RPA1: variants seen among roughly 807,000 people sequenced by gnomAD.
The protein encoded by RPA1 is replication protein A1, also known as replication protein A 70 kDa DNA-binding subunit.
RPA1 carries 49 observed loss-of-function variants against 83.0 expected under a neutral mutation model. The ratio of observed to expected loss-of-function variants is 0.59; its 90% CI spans 0.47 to 0.75. RPA1 has a LOEUF of 0.75. Ranked by LOEUF, RPA1 falls within the 30% of genes least tolerant of loss-of-function variation. RPA1 has a pLI of 0.00. For synonymous variants in RPA1, 279 were observed against 281.8 expected (o/e 0.99, Z 0.10); for missense variants, 693 against 776.1 (o/e 0.89, Z 1.27).
At chr17:1,875,591 T>G in intron 6 of RPA1, 70 bp from the exon 7 acceptor site, 4 of 1,516,096 alleles carry the variant, frequency 2.6e-6, no homozygotes, top group Non-Finnish European at 3.6e-6. Flanking sequence ...TTAGAGTTAT[T>G]GTAAAGCTTA....
Position 1,895,086 on chromosome 17 carries a change from G to A in RPA1, c.1737G>A (p.Glu579=). 1 of 1,613,236 alleles carries A rather than the reference G, an allele frequency of 6.2e-7. No individual in the cohort carries two copies. The highest frequency in any genetic ancestry group is 8.5e-7 in the Non-Finnish European group (1 of 1,179,452). Residue 579 remains glutamate, a synonymous_variant, in exon 16 of 17, where the codon GAG becomes GAA. Transcript: ENST00000254719. The stretch of plus-strand genomic sequence containing the variant: ...TATTCAGAGTCAGGGTCAAAGTGGA[G>A]ACCTACAACGTAAGTAAGGGCCTGG... ...SFIFRVRVKV[E]TYNDESRIKA...
chr17:1,884,291 C>T lies in RPA1; in HGVS notation c.1374+347C>T, dbSNP rs766311504. Among the ~76,000 whole-genome samples, 63 of 151,930 alleles carry T rather than the reference C, an allele frequency of 4.1e-4. No individual in the cohort carries two copies. The highest frequency in any genetic ancestry group is 7.8e-4 in the Non-Finnish European group (53 of 68,022). On this transcript the variant is annotated intron_variant, in intron 13 of 16. Coordinates refer to ENST00000254719, the MANE Select transcript of RPA1 (RefSeq NM_002945.5). This position sits in a 1 kb window ranked among gnomAD's most constrained non-coding sequence, Gnocchi z 4.1. ...CTGTGATCCTTCCTGCAAATTTAAG[C>T]GCCCACATATCAAAAAGATGTTTTT...
intron 1 of RPA1, among the ~76,000 whole-genome samples, chr17:1,836,721 A>G (rs553736752): frequency 2.7e-5 from 4 of 150,542 alleles, no homozygotes; most frequent in African/African-American, 9.7e-5. Context: ...GAGTGCAGCG[A>G]CACAGTCATG....
chr17:1,885,115 G>C (rs1393281148), intron 13 of RPA1, among the ~76,000 whole-genome samples: 1 of 152,104 alleles, frequency 6.6e-6, no homozygotes, highest in Non-Finnish European at 1.5e-5. Flanking sequence ...CTCCCTCTCA[G>C]GTCCTGTCAC....
At chr17:1,863,767 G>A (rs934284080) in intron 5 of RPA1, among the ~76,000 whole-genome samples, 1 of 152,182 alleles carries the variant, frequency 6.6e-6, no homozygotes, top group Non-Finnish European at 1.5e-5. Context: ...TTTTCAAATG[G>A]TTGTTATGTT....
chr17:1,865,150 T>G (rs4619437), intron 5 of RPA1, among the ~76,000 whole-genome samples: 9,391 of 152,252 alleles, frequency 0.062, 951 homozygotes, highest in African/African-American at 0.21. Flanking sequence ...GATCAGTTGA[T>G]CAGTTTTTAA....
chr17:1,900,004 T>A lies in RPA1; in HGVS notation c.*2829T>A, dbSNP rs1244129247. On this transcript the variant is annotated 3_prime_UTR_variant, in exon 17 of 17. Transcript: ENST00000254719. ...TGGCTTTTATAAACACCTTTGGAAG[T>A]CATCGGTTCCTCAAAAAGAGAGCAT... is the stretch of plus-strand genomic sequence containing the variant. The A allele has an allele frequency of 1.3e-5, 2 of 152,206 alleles. No individual in the cohort carries two copies. The highest frequency in any genetic ancestry group is 3.8e-4 in the East Asian group (2 of 5,204). 9.4% of individuals were successfully genotyped at this position (152,206 alleles called of 1,614,324 possible). A position where few individuals can be genotyped will look rare whatever the true frequency, so the allele number is the denominator to read the frequency against.
intron 4 of RPA1, among the ~76,000 whole-genome samples, chr17:1,845,486 T>C (rs1049061256): frequency 6.6e-6 from 1 of 151,902 alleles, no homozygotes; most frequent in African/African-American, 2.4e-5. Context: ...CAGTGAGCTG[T>C]GATTGCACCG....
In RPA1 at chr17:1,875,922, C is replaced by CTT. The variant is rs371878374; in HGVS notation, c.587+146_587+147dup. ...TACCACCAAATAGAATGGGTTTACT[C>CTT]TTTTTTTTTTTTTTTTTTGCTGAGG... On this transcript the variant is annotated intron_variant, in intron 7 of 16. Coordinates refer to ENST00000254719, the MANE Select transcript of RPA1 (RefSeq NM_002945.5). 4,184 of 540,622 alleles carry CTT rather than the reference C, an allele frequency of 7.7e-3. 59 individuals are homozygous for CTT. The highest frequency in any genetic ancestry group is 0.049 in the African/African-American group (2,088 of 42,320). 33.5% of individuals were successfully genotyped at this position (540,622 alleles called of 1,614,324 possible).
intron 8 of RPA1, among the ~76,000 whole-genome samples, 200 bp from the exon 9 acceptor site, chr17:1,878,793 A>G (rs753112271): frequency 6.6e-6 from 1 of 152,214 alleles, no homozygotes; most frequent in Non-Finnish European, 1.5e-5. Context: ...CAGCGGGGCC[A>G]GTGACTTCAG....
chr17:1,876,116 G>A (rs554025364), intron 7 of RPA1, among the ~76,000 whole-genome samples: 6 of 152,212 alleles, frequency 3.9e-5, no homozygotes, highest in African/African-American at 1.4e-4. Context: ...AAATATTTCT[G>A]ATAATTCAAA....
chr17:1,899,307 G>C lies in RPA1; in HGVS notation c.*2132G>C, dbSNP rs1914565725. On this transcript the variant is annotated 3_prime_UTR_variant, in exon 17 of 17. Coordinates refer to ENST00000254719, the MANE Select transcript of RPA1 (RefSeq NM_002945.5). ...TTCTGGCCCACAGTTTACCTCGAAA[G>C]GCTGTTGATGTTGTTCTGTTTCTCC... 9.6e-6 allele frequency: 1 copy of C among 104,030 alleles called. No homozygotes were observed. 6.4% of individuals were successfully genotyped at this position (104,030 alleles called of 1,614,324 possible).
At chr17:1,878,216 CAG>C (rs1291288357) in intron 8 of RPA1, among the ~76,000 whole-genome samples, 1 of 152,142 alleles carries the variant, frequency 6.6e-6, no homozygotes. Context: ...GCCTGGGCGA[CAG>C]AGTGAGACTC....
rs1026569507 is a variant in RPA1, at chr17:1,897,776, A to T, written c.*601A>T. On this transcript the variant is annotated 3_prime_UTR_variant, in exon 17 of 17. Transcript: ENST00000254719. The stretch of plus-strand genomic sequence containing the variant: ...AAGAGTATCCTTCCTTCAGGGTTTA[A>T]TAGACTGAGTCAGATGGGTCTGATA... 3 of 153,608 alleles carry T rather than the reference A, an allele frequency of 2.0e-5. No homozygotes were observed. Among genetic ancestry groups the T allele is most frequent in the African/African-American group, 7.2e-5 (3 of 41,464 alleles). The allele number at this position is 153,608 out of a possible 1,614,324, so 9.5% of individuals were successfully genotyped here. A position where few individuals can be genotyped will look rare whatever the true frequency, so the allele number is the denominator to read the frequency against.
chr17:1,875,920 C>G (rs78608540), intron 7 of RPA1, 127 bp downstream of exon 7: 63 of 660,048 alleles, frequency 9.5e-5, no homozygotes, highest in Non-Finnish European at 1.2e-4. Context: ...AATGGGTTTA[C>G]TCTTTTTTTT....
intron 4 of RPA1, among the ~76,000 whole-genome samples, 182 bp downstream of exon 4, chr17:1,844,868 A>T (rs555252215): frequency 7.2e-5 from 11 of 152,204 alleles, no homozygotes; most frequent in Non-Finnish European, 1.6e-4. Flanking sequence ...TCAGAGCAGA[A>T]GATTAAAGTA....
intron 1 of RPA1, among the ~76,000 whole-genome samples, chr17:1,839,788 GTTTTTTTTTTTTT>G (rs71150821): frequency 1.7e-4 from 12 of 68,974 alleles, no homozygotes; most frequent in African/African-American, 5.4e-4. Flanking sequence ...CGCCCAGCTA[GTTTTTTTTTTTTT>G]TTTTTTTTTT....
At chr17:1,849,413 C>T (rs1017952191) in intron 4 of RPA1, among the ~76,000 whole-genome samples, 1 of 151,374 alleles carries the variant, frequency 6.6e-6, no homozygotes, top group African/African-American at 2.4e-5. Context: ...CTGCCTCAGC[C>T]TCCCCAGTAG....
At chr17:1,864,357 T>C (rs775328748) in intron 5 of RPA1, among the ~76,000 whole-genome samples, 1 of 151,992 alleles carries the variant, frequency 6.6e-6, no homozygotes, top group African/African-American at 2.4e-5. Context: ...GCCAACATGG[T>C]GAAACCTCGT....
Sources: allele counts gnomAD v4.1 joint callset (sites outside exome capture counted in the v4.1 genomes callset), GRCh38; gene constraint gnomAD v4.1.1; non-coding constraint Gnocchi (gnomAD v3.1); transcripts MANE v1.5; gene names NCBI Gene and HGNC (gene_info 2026-07-23, HGNC 2026-07-21).